Variants in CSMD1 observed in about 807,000 individuals in gnomAD.
CSMD1 encodes CUB and sushi domain-containing protein 1.
In CSMD1, 213 loss-of-function variants were observed where a neutral mutation model predicts 417.5. The ratio of observed to expected loss-of-function variants is 0.51; its 90% CI spans 0.46 to 0.57. The LOEUF (loss-of-function observed/expected upper bound fraction) is 0.57, where lower values mean the gene tolerates loss of function less well. CSMD1 is among the 20% of genes least tolerant of loss of function. The pLI is 0.00. For missense variants in CSMD1, 6,923 were observed against 4,529.7 expected, an observed-to-expected ratio of 1.53 and a Z score of -15.17; for synonymous variants, 2,862 against 1,736.8, an observed-to-expected ratio of 1.65 and a Z score of -16.11.
At chr8:3,293,122 A>G (rs1469055261) in intron 25 of CSMD1, among the ~76,000 whole-genome samples, 1 of 144,306 alleles carries the variant, frequency 6.9e-6, no homozygotes, top group Non-Finnish European at 1.5e-5. Context: ...CTGGGTTGAA[A>G]ATTCTTTCTT....
At chr8:4,214,624 CACTG>C (rs1800523447) in intron 3 of CSMD1, among the ~76,000 whole-genome samples, 2 of 152,050 alleles carry the variant, frequency 1.3e-5, no homozygotes, top group African/African-American at 4.8e-5. Context: ...TGAACAGAAA[CACTG>C]AGTATGTATT....
At chr8:4,186,788 A>G (rs1040225311) in intron 3 of CSMD1, among the ~76,000 whole-genome samples, 8 of 151,476 alleles carry the variant, frequency 5.3e-5, no homozygotes, top group African/African-American at 1.9e-4. Flanking sequence ...GGAGTTCAAG[A>G]CCAGCCTGGT....
intron 1 of CSMD1, among the ~76,000 whole-genome samples, chr8:4,761,428 AAT>A (rs959827172): frequency 5.9e-5 from 9 of 152,164 alleles, no homozygotes; most frequent in Admixed American, 3.3e-4. Context: ...AATTACATAA[AAT>A]ATGTTGCTGA....
At chr8:4,608,390 G>A (rs76793788) in intron 2 of CSMD1, among the ~76,000 whole-genome samples, 1 of 152,148 alleles carries the variant, frequency 6.6e-6, no homozygotes, top group African/African-American at 2.4e-5. Context: ...CAGAGGGCTC[G>A]ACAAAAGGAT....
At chr8:3,517,320 G>A (rs1162148091) in intron 10 of CSMD1, among the ~76,000 whole-genome samples, 1 of 152,128 alleles carries the variant, frequency 6.6e-6, no homozygotes, top group Non-Finnish European at 1.5e-5. Context: ...CAGAGAACAG[G>A]CAATCCAAGT....
chr8:3,219,563 G>A, intron 28 of CSMD1, 121 bp from the exon 29 acceptor site: 1 of 671,202 alleles, frequency 1.5e-6, no homozygotes. Flanking sequence ...TTCAGTTAGG[G>A]CAATCAAAAA....
At chr8:4,354,336 T>C (rs1254840135) in intron 3 of CSMD1, among the ~76,000 whole-genome samples, 1 of 152,306 alleles carries the variant, frequency 6.6e-6, no homozygotes, top group Non-Finnish European at 1.5e-5. Context: ...ATAATCTCTT[T>C]TGAGGTTGGG....
intron 3 of CSMD1, among the ~76,000 whole-genome samples, chr8:4,327,619 G>C (rs991320572): frequency 7.2e-5 from 11 of 152,030 alleles, no homozygotes; most frequent in African/African-American, 2.7e-4. Context: ...AGGGGAAAAA[G>C]CCCCCAAAAA....
chr8:3,069,814 C>T (rs1175578341), intron 49 of CSMD1, among the ~76,000 whole-genome samples: 1 of 152,262 alleles, frequency 6.6e-6, no homozygotes, highest in African/African-American at 2.4e-5. Flanking sequence ...TCCCTTGGCA[C>T]TGCCCTAGTA....
At chr8:4,079,290 T>C (rs1161884253) in intron 3 of CSMD1, among the ~76,000 whole-genome samples, 1 of 152,198 alleles carries the variant, frequency 6.6e-6, no homozygotes, top group African/African-American at 2.4e-5. Context: ...TACTGTACCA[T>C]GAGCAGATAA....
intron 5 of CSMD1, among the ~76,000 whole-genome samples, chr8:3,965,678 T>G (rs372607331): frequency 5.9e-5 from 9 of 152,070 alleles, no homozygotes; most frequent in African/African-American, 9.7e-5. Flanking sequence ...AGTGCAATGG[T>G]GCCATCTCAG....
At chr8:4,545,074 G>A (rs1797571576) in intron 2 of CSMD1, among the ~76,000 whole-genome samples, 1 of 152,212 alleles carries the variant, frequency 6.6e-6, no homozygotes, top group African/African-American at 2.4e-5. Flanking sequence ...ACATATGTGT[G>A]TATGATGTAT....
intron 5 of CSMD1, among the ~76,000 whole-genome samples, chr8:3,838,128 C>T (rs532600522): frequency 8.7e-4 from 133 of 152,028 alleles, no homozygotes; most frequent in African/African-American, 3.1e-3. Flanking sequence ...AGAAAACAGC[C>T]GCAAATATCA....
At chr8:3,848,697 G>C (rs1481801259) in intron 5 of CSMD1, among the ~76,000 whole-genome samples, 1 of 152,046 alleles carries the variant, frequency 6.6e-6, no homozygotes, top group Non-Finnish European at 1.5e-5. Context: ...TGCACCATCT[G>C]TGTGATCTGA....
At chr8:3,652,244 A>G (rs1247548082) in intron 7 of CSMD1, among the ~76,000 whole-genome samples, 1 of 144,828 alleles carries the variant, frequency 6.9e-6, no homozygotes, top group Non-Finnish European at 1.5e-5. Flanking sequence ...GCGCCTACCA[A>G]CGTCATTGCA....
chr8:3,844,362 A>G (rs531347707), intron 5 of CSMD1, among the ~76,000 whole-genome samples: 62 of 152,266 alleles, frequency 4.1e-4, no homozygotes, highest in Non-Finnish European at 7.4e-4. Context: ...CAGAAGTTCT[A>G]TCTGGTAGAC....
intron 5 of CSMD1, among the ~76,000 whole-genome samples, chr8:3,958,700 T>C (rs1213382790): frequency 6.6e-6 from 1 of 152,130 alleles, no homozygotes; most frequent in Non-Finnish European, 1.5e-5. Flanking sequence ...AGGACATAAC[T>C]GAGGGTCAAA....
rs143237133 is a variant in CSMD1 at position 4,274,487 on chromosome 8, C to A, written c.415+145466G>T. ...GTCGTAATGGCATTAATTGAAACAT[C>A]CAAGCAAATAACTGTTTCTTTAATA... On this transcript the variant is annotated intron_variant, in intron 3 of 69. Transcript: ENST00000635120. Among the ~76,000 whole-genome samples, 849 of 152,172 alleles carry A rather than the reference C, an allele frequency of 5.6e-3. 4 individuals carry two copies. Among genetic ancestry groups the A allele is most frequent in the Non-Finnish European group, 7.9e-3 (535 of 67,994 alleles).
chr8:3,745,023 A>G (rs573603376), intron 6 of CSMD1, among the ~76,000 whole-genome samples: 1 of 152,330 alleles, frequency 6.6e-6, no homozygotes, highest in East Asian at 1.9e-4. Context: ...TTCTCCGGGC[A>G]GTGAATATTT....
Sources: gnomAD v4.1 joint callset for allele counts (sites outside exome capture counted in the v4.1 genomes callset) on GRCh38, gnomAD v4.1.1 for gene constraint, MANE v1.5 for transcripts, NCBI Gene and HGNC (gene_info 2026-07-23, HGNC 2026-07-21) for gene names.